CYP11A1: variants seen among roughly 807,000 people sequenced by gnomAD.
The protein encoded by CYP11A1 is cholesterol side-chain cleavage enzyme, mitochondrial.
In CYP11A1, 25 loss-of-function variants were observed where a neutral mutation model predicts 51.9. The observed-to-expected ratio is 0.48, with a 90% CI of 0.35 to 0.67. CYP11A1 has a LOEUF of 0.67. Among genes scored for constraint, CYP11A1 ranks in the 30% least tolerant of loss-of-function variants. CYP11A1 has a pLI of 0.00. For missense variants in CYP11A1, 578 were observed against 680.9 expected, an observed-to-expected ratio of 0.85 and a Z score of 1.68; for synonymous variants, 245 against 262.1, an observed-to-expected ratio of 0.93 and a Z score of 0.63.
chr15:74,362,132 C>G (rs2060711518), intron 1 of CYP11A1: 1 of 794,240 alleles, frequency 1.3e-6, no homozygotes, highest in Non-Finnish European at 2.1e-6. Context: ...CTCGCAGTAT[C>G]CTAGAATCTT....
At chr15:74,366,187 G>A (rs1423933649) in intron 1 of CYP11A1, 102 of 985,434 alleles carry the variant, frequency 1.0e-4, no homozygotes, top group Non-Finnish European at 1.2e-4. Flanking sequence ...GCGTGCGCTG[G>A]GAGGAATGCT....
intron 1 of CYP11A1, 104 bp from the exon 2 acceptor site, chr15:74,348,159 C>T (rs1486128573): frequency 7.2e-7 from 1 of 1,380,478 alleles, no homozygotes; most frequent in African/African-American, 1.4e-5. Context: ...GACTGTGGGA[C>T]CTGAGTCGAG....
chr15:74,346,624 A>C (rs12916123), intron 2 of CYP11A1, among the ~76,000 whole-genome samples: 98,966 of 151,638 alleles, frequency 0.65, 32,644 homozygotes, highest in Non-Finnish European at 0.71. Context: ...TGGAGTATAT[A>C]CCTGAAATCA....
intron 1 of CYP11A1, chr15:74,365,699 G>A (rs903178969): frequency 1.0e-6 from 1 of 985,382 alleles, no homozygotes; most frequent in Admixed American, 6.1e-5. Context: ...GGAGAGGTCC[G>A]GCCGCGCGGA....
chr15:74,352,003 C>T (rs57797357), intron 1 of CYP11A1, among the ~76,000 whole-genome samples: 3 of 152,034 alleles, frequency 2.0e-5, no homozygotes, highest in Non-Finnish European at 4.4e-5. Context: ...ATTGAATCTT[C>T]GTTTATGTGT....
At position 74,367,523 on chromosome 15, in the gene CYP11A1, AC is replaced by A; in HGVS notation, c.62del (p.Ser21MetfsTer40). ...GACGCCCCAGCCCCTCCCTGGGGGC[AC>A]TCAGAAAGGTCTGGCAGCCTTTGAC... Reference protein sequence around the residue: ...VLVKGCQTFLSAPREGLGRLR... With the variant: ...VLVKGCQTFLXAPREGLGRLR... On this transcript the variant is annotated frameshift_variant, in exon 1 of 9. Coordinates refer to ENST00000268053, the MANE Select transcript of CYP11A1 (RefSeq NM_000781.3). LOFTEE classifies it high-confidence loss of function. 6.2e-7 allele frequency: 1 copy of A among 1,614,074 alleles called. No individual in the cohort carries two copies. The highest frequency in any genetic ancestry group is 8.5e-7 in the Non-Finnish European group (1 of 1,179,948).
intron 3 of CYP11A1, 135 bp downstream of exon 3, chr15:74,344,909 G>T (rs1384366968): frequency 2.3e-6 from 2 of 858,844 alleles, no homozygotes; most frequent in South Asian, 1.4e-5. Flanking sequence ...GGCAGTGGAG[G>T]ACATGATCAG....
In CYP11A1 at chr15:74,342,961, C is replaced by A; in HGVS notation, c.990+16G>T. On this transcript the variant is annotated intron_variant, in intron 5 of 8. Transcript: ENST00000268053. Reference sequence around the variant, plus strand: ...GCACAGGGGGCAACAAGGTGCCGCCCCTACAGCCACCTCACCGTGTCCACC... The same window carrying A: ...GCACAGGGGGCAACAAGGTGCCGCCACTACAGCCACCTCACCGTGTCCACC... 6.2e-7 allele frequency: 1 copy of A among 1,612,078 alleles called. No homozygotes were observed. Among genetic ancestry groups the A allele is most frequent in the Non-Finnish European group, 8.5e-7 (1 of 1,179,978 alleles).
rs368093086 is a variant in CYP11A1 at position 74,342,985 on chromosome 15, C to A, written c.982G>T (p.Val328Leu). 7 of 1,612,238 alleles carry A rather than the reference C, an allele frequency of 4.3e-6. No homozygotes were observed. The African/African-American group carries it at 9.3e-5, about 22-fold the overall frequency. Reference sequence around the variant, plus strand: ...CCCTACAGCCACCTCACCGTGTCCACCCCTCCTGCCAGCATCTCTGTGACG... The same window carrying A: ...CCCTACAGCCACCTCACCGTGTCCAACCCTCCTGCCAGCATCTCTGTGACG... ...ANVTEMLAGG[V>L]DTTSMTLQWH... is the part of the protein sequence containing the mutation. The change falls in exon 5 of 9, where the codon GTG (valine) becomes TTG (leucine). Residue 328 changes from valine (V) to leucine (L), a missense_variant. Val to Leu is a conservative substitution (Grantham distance 32, BLOSUM62 1). Transcript: ENST00000268053.
Position 74,343,035 on chromosome 15 carries a change from A to G in CYP11A1, c.932T>C (p.Met311Thr). 1 of 1,613,416 alleles carries G rather than the reference A, an allele frequency of 6.2e-7. No homozygotes were observed. ...ILYRLLGDSK[M>T]SFEDIKANVT... ...GTTGGCCTTGATGTCCTCGAAGGAC[A>G]TCTTGCTGTCTCCCAGGAGTCTGTA... Residue 311 changes from methionine to threonine, a missense_variant, in exon 5 of 9, where the codon ATG becomes ACG. Met to Thr is a moderately conservative substitution (Grantham distance 81). Transcript: ENST00000268053.
intron 1 of CYP11A1, among the ~76,000 whole-genome samples, chr15:74,358,938 C>T (rs2060694143): frequency 6.6e-6 from 1 of 152,134 alleles, no homozygotes; most frequent in African/African-American, 2.4e-5. Context: ...CAGCCTCCAA[C>T]TTAAAAAAAG....
At chr15:74,365,256 T>G (rs1034406650) in intron 1 of CYP11A1, among the ~76,000 whole-genome samples, 4 of 151,590 alleles carry the variant, frequency 2.6e-5, no homozygotes, top group African/African-American at 9.7e-5. Context: ...GGGAACAGCT[T>G]TAGCAGTTTT....
intron 1 of CYP11A1, among the ~76,000 whole-genome samples, chr15:74,351,175 T>G (rs1343709928): frequency 6.6e-6 from 1 of 152,134 alleles, no homozygotes; most frequent in Non-Finnish European, 1.5e-5. Flanking sequence ...ATGTTTTTTT[T>G]CTCTTTTTTT....
At chr15:74,343,455 C>A (rs1004560201) in intron 4 of CYP11A1, among the ~76,000 whole-genome samples, 1 of 152,170 alleles carries the variant, frequency 6.6e-6, no homozygotes, top group Non-Finnish European at 1.5e-5. Flanking sequence ...CCTTCTCCAC[C>A]CAACCTTCCC....
At chr15:74,339,443 G>T in intron 6 of CYP11A1, 128 bp from the exon 7 acceptor site, 1 of 1,393,606 alleles carries the variant, frequency 7.2e-7, no homozygotes, top group Non-Finnish European at 1.0e-6. Context: ...TAGGGCCCTG[G>T]CTCTATTTCT....
chr15:74,338,692 G>T lies in CYP11A1; in HGVS notation c.1313C>A (p.Thr438Asn), dbSNP rs1245433679. 1.6e-5 allele frequency: 26 copies of T among 1,614,174 alleles called. No homozygotes were observed. The highest frequency in any genetic ancestry group is 2.1e-5 in the Non-Finnish European group (25 of 1,180,018). The change falls in exon 8 of 9, where the codon ACC becomes AAC. Residue 438 changes from threonine to asparagine, a missense_variant. Physicochemically the swap from Thr to Asn is moderately conservative, Grantham distance 65 (BLOSUM62 0). Transcript: ENST00000268053. ...GTTCTTGTCTTTGCTCAGCCATCGG[G>T]TTGGGTCAAAATTTTCCGGGTCGAA... ...FFFDPENFDPTRWLSKDKNIT... is the reference protein window; with the variant it reads ...FFFDPENFDPNRWLSKDKNIT...
At chr15:74,341,537 T>C (rs1490009943) in intron 5 of CYP11A1, among the ~76,000 whole-genome samples, 1 of 152,194 alleles carries the variant, frequency 6.6e-6, no homozygotes, top group Admixed American at 6.5e-5. Flanking sequence ...TTAGCTCCTC[T>C]GTGGAGCCTT....
At chr15:74,349,031 C>T (rs1323481944) in intron 1 of CYP11A1, among the ~76,000 whole-genome samples, 1 of 152,154 alleles carries the variant, frequency 6.6e-6, no homozygotes, top group Non-Finnish European at 1.5e-5. Context: ...TACCCACATA[C>T]AACTGTTACA....
In CYP11A1 at chr15:74,347,897, C is replaced by A; in HGVS notation, c.425+3G>T. ...AGTCCCTGGGAGATGGCCCAGGACT[C>A]ACTTCAACAGGACTCCTATGGGTCT... On this transcript the variant is annotated splice_donor_region_variant and intron_variant, in intron 2 of 8. Transcript: ENST00000268053. 6.2e-7 allele frequency: 1 copy of A among 1,614,130 alleles called. No individual in the cohort carries two copies. The highest frequency in any genetic ancestry group is 8.5e-7 in the Non-Finnish European group (1 of 1,179,992).
Sources: allele counts gnomAD v4.1 joint callset (sites outside exome capture counted in the v4.1 genomes callset), GRCh38; gene constraint gnomAD v4.1.1; transcripts MANE v1.5; gene names NCBI Gene and HGNC (gene_info 2026-07-23, HGNC 2026-07-21).